The following B3GNT2 variants were observed in gnomAD, a reference collection of about 807,000 sequenced individuals.
B3GNT2 encodes N-acetyllactosaminide beta-1,3-N-acetylglucosaminyltransferase 2.
In B3GNT2, 12 loss-of-function variants were observed where a neutral mutation model predicts 27.6. The ratio of observed to expected loss-of-function variants is 0.44; its 90% CI spans 0.28 to 0.71. B3GNT2 has a LOEUF of 0.71. Among genes scored for constraint, B3GNT2 ranks in the 30% least tolerant of loss-of-function variants. B3GNT2 has a pLI of 0.17. For missense variants in B3GNT2, 413 were observed against 488.5 expected (o/e 0.85, Z 1.46); for synonymous variants, 192 against 189.7 (o/e 1.01, Z -0.10).
chr2:62,204,535 A>G (rs904024232), intron 1 of B3GNT2, among the ~76,000 whole-genome samples: 1 of 152,350 alleles, frequency 6.6e-6, no homozygotes, highest in African/African-American at 2.4e-5. Flanking sequence ...TACAAATGCT[A>G]TCCTTTCTAA....
rs554279934 is a variant in B3GNT2 at position 62,212,300 on chromosome 2, T to G, written c.-9-9912T>G. ...CTGTTTTCTGCAGCTCTGGCATCGG[T>G]GGTACCAGGAGCCTAAGACTGGGTG... is the stretch of plus-strand genomic sequence containing the variant. On this transcript the variant is annotated intron_variant, in intron 1 of 1. Coordinates refer to ENST00000301998, the MANE Select transcript of B3GNT2 (RefSeq NM_006577.6). Among the ~76,000 whole-genome samples the G allele has an allele frequency of 2.0e-5, 3 of 152,234 alleles. No homozygotes were observed. The East Asian group carries it at 5.8e-4, about 29-fold the overall frequency.
intron 1 of B3GNT2, among the ~76,000 whole-genome samples, chr2:62,197,738 A>C (rs187854090): frequency 5.9e-5 from 9 of 152,310 alleles, no homozygotes; most frequent in Admixed American, 4.6e-4. Context: ...CTGGGAGTGA[A>C]AAGGCGGGGA....
chr2:62,219,905 G>C (rs759160443), intron 1 of B3GNT2, among the ~76,000 whole-genome samples: 7 of 152,168 alleles, frequency 4.6e-5, no homozygotes, highest in Non-Finnish European at 8.8e-5. Context: ...GCAGGGGTTG[G>C]GGGGAGTCAT....
rs574218866 is a variant in B3GNT2 at position 62,210,436 on chromosome 2, A to G, written c.-9-11776A>G. ...GGAAGCATATGAAAAGATGGCATCA[A>G]TTAAAACAGGGAGATGTTCTTTTTT... On this transcript the variant is annotated intron_variant, in intron 1 of 1. Transcript: ENST00000301998. 5.3e-5 allele frequency among the ~76,000 whole-genome samples: 8 copies of G among 151,532 alleles called. No individual in the cohort carries two copies. The East Asian group carries it at 7.7e-4, about 15-fold the overall frequency.
At chr2:62,198,906 T>A (rs988034106) in intron 1 of B3GNT2, among the ~76,000 whole-genome samples, 4 of 152,218 alleles carry the variant, frequency 2.6e-5, no homozygotes, top group African/African-American at 4.8e-5. Context: ...AGGTGAATCT[T>A]CTGTTTCTCA....
Position 62,212,709 on chromosome 2 carries a change from C to T in B3GNT2, c.-9-9503C>T, listed in dbSNP as rs375404322. Among the ~76,000 whole-genome samples, 13 of 151,958 alleles carry T rather than the reference C, an allele frequency of 8.6e-5. No individual in the cohort carries two copies. In the South Asian group the frequency reaches 1.2e-3, roughly 15 times the overall value. ...TTTCTTCAACAAACTCAGAAAAAAC[C>T]CCTGCCCTACCAAATTTTGGGAGAT... On this transcript the variant is annotated intron_variant, in intron 1 of 1. Coordinates refer to ENST00000301998, the MANE Select transcript of B3GNT2 (RefSeq NM_006577.6).
chr2:62,203,723 G>C (rs1674314720), intron 1 of B3GNT2, among the ~76,000 whole-genome samples: 1 of 152,140 alleles, frequency 6.6e-6, no homozygotes, highest in Admixed American at 6.5e-5. Flanking sequence ...GATTGCTATT[G>C]GTGCAAGACC....
intron 1 of B3GNT2, among the ~76,000 whole-genome samples, chr2:62,207,296 C>T (rs1464425297): frequency 2.6e-5 from 4 of 152,114 alleles, no homozygotes; most frequent in Non-Finnish European, 5.9e-5. Context: ...TCTTCTGTCT[C>T]AGCCTCACGA....
intron 1 of B3GNT2, among the ~76,000 whole-genome samples, chr2:62,209,153 G>A (rs987447543): frequency 6.6e-6 from 1 of 152,024 alleles, no homozygotes; most frequent in East Asian, 1.9e-4. Flanking sequence ...GGCTAATTTC[G>A]GGCCATTGGC....
At chr2:62,221,705 A>C in intron 1 of B3GNT2, 1 of 373,210 alleles carries the variant, frequency 2.7e-6, no homozygotes, top group Non-Finnish European at 5.2e-6. Context: ...AATGACATGG[A>C]ACTGCACACA....
chr2:62,196,703 C>G (rs996715337), intron 1 of B3GNT2, among the ~76,000 whole-genome samples: 6 of 152,242 alleles, frequency 3.9e-5, no homozygotes, highest in African/African-American at 1.4e-4. Context: ...GGACCTTCCC[C>G]CTCCTCGCTG....
intron 1 of B3GNT2, among the ~76,000 whole-genome samples, chr2:62,208,874 C>G: frequency 6.6e-6 from 1 of 152,104 alleles, no homozygotes; most frequent in African/African-American, 2.4e-5. Context: ...TGTTATCACA[C>G]CGTGTGCTAA....
Position 62,223,586 on chromosome 2 carries a change from G to T in B3GNT2, c.*172G>T. The T allele has an allele frequency of 3.4e-6, 2 of 587,270 alleles. No homozygotes were observed. The highest frequency in any genetic ancestry group is 6.0e-6 in the Non-Finnish European group (2 of 334,274). The allele number at this position is 587,270 out of a possible 1,614,324, so 36.4% of individuals were successfully genotyped here. A position where few individuals can be genotyped will look rare whatever the true frequency, so the allele number is the denominator to read the frequency against. ...TGGTACTCACGTGAAGAGGGAAAGC[G>T]GAAGATGGTAATTTTTTTTTATGGA... On this transcript the variant is annotated 3_prime_UTR_variant, in exon 2 of 2. Transcript: ENST00000301998.
At chr2:62,217,942 G>C (rs748697985) in intron 1 of B3GNT2, among the ~76,000 whole-genome samples, 27 of 152,182 alleles carry the variant, frequency 1.8e-4, no homozygotes, top group Non-Finnish European at 3.5e-4. Context: ...TTCTGTCCCT[G>C]TTGGGGACAA....
intron 1 of B3GNT2, among the ~76,000 whole-genome samples, chr2:62,208,712 A>G (rs573123420): frequency 1.8e-4 from 28 of 152,234 alleles, no homozygotes; most frequent in Non-Finnish European, 3.4e-4. Flanking sequence ...CAAAATGGTC[A>G]AAGAATACAA....
chr2:62,218,481 G>C (rs1031114010), intron 1 of B3GNT2, among the ~76,000 whole-genome samples: 1 of 152,156 alleles, frequency 6.6e-6, no homozygotes, highest in Admixed American at 6.5e-5. Context: ...CTGAGGTGGG[G>C]CTGGGAGCTT....
chr2:62,210,774 AAATAAT>A (rs543749395), intron 1 of B3GNT2, among the ~76,000 whole-genome samples: 30 of 152,064 alleles, frequency 2.0e-4, no homozygotes, highest in Middle Eastern at 6.8e-3. Flanking sequence ...ATCTCAAAAA[AAATAAT>A]AATAATAATA....
Position 62,220,935 on chromosome 2 carries a change from T to C in B3GNT2, c.-9-1277T>C, listed in dbSNP as rs539241582. Among the ~76,000 whole-genome samples the C allele has an allele frequency of 5.3e-4, 81 of 152,336 alleles. 1 individual carries two copies. Among genetic ancestry groups the C allele is most frequent in the African/African-American group, 1.8e-3 (75 of 41,592 alleles). ...CTTCCATTGCCCACAGCCTGAAATC[T>C]TTTGATATTTCACTAAAATATCATT... On this transcript the variant is annotated intron_variant, in intron 1 of 1. Coordinates refer to ENST00000301998, the MANE Select transcript of B3GNT2 (RefSeq NM_006577.6).
rs762316871 is a variant in B3GNT2 at position 62,223,312 on chromosome 2, T to C, written c.1092T>C (p.Asn364=). Residue 364 remains asparagine (N), a synonymous_variant, in exon 2 of 2, where the codon AAT becomes AAC. Transcript: ENST00000301998. The part of the protein sequence containing the change: ...RTFDIEEKNK[N]NICSYVDLML... The stretch of plus-strand genomic sequence containing the variant: ...TTGATATCGAGGAGAAAAACAAAAA[T>C]AACATCTGCTCCTATGTAGATCTGA... 6.2e-7 allele frequency: 1 copy of C among 1,614,154 alleles called. No individual in the cohort carries two copies. The highest frequency in any genetic ancestry group is 1.3e-5 in the African/African-American group (1 of 75,040).
Sources: gnomAD v4.1 joint callset for allele counts (sites outside exome capture counted in the v4.1 genomes callset) on GRCh38, gnomAD v4.1.1 for gene constraint, MANE v1.5 for transcripts, NCBI Gene and HGNC (gene_info 2026-07-23, HGNC 2026-07-21) for gene names.